The following MYO9A variants were observed in gnomAD, a reference collection of about 807,000 sequenced individuals.
MYO9A encodes unconventional myosin-IXa.
MYO9A carries 103 observed loss-of-function variants against 293.3 expected under a neutral mutation model. The observed-to-expected ratio is 0.35, with a 90% CI of 0.30 to 0.41. MYO9A has a LOEUF of 0.41. MYO9A is among the 10% of genes least tolerant of loss of function. MYO9A has a pLI of 1.00. For synonymous variants in MYO9A, 1,001 were observed against 1,035.7 expected, an observed-to-expected ratio of 0.97 and a Z score of 0.64; for missense variants, 2,685 against 3,033.0, an observed-to-expected ratio of 0.89 and a Z score of 2.69.
At chr15:72,109,176 G>A (rs1199458789) in intron 1 of MYO9A, among the ~76,000 whole-genome samples, 1 of 151,786 alleles carries the variant, frequency 6.6e-6, no homozygotes, top group African/African-American at 2.4e-5. Context: ...AGATCATGAG[G>A]TCAGGAGGTC....
intron 26 of MYO9A, chr15:71,893,098 T>A: frequency 7.8e-7 from 1 of 1,290,074 alleles, no homozygotes; most frequent in South Asian, 1.2e-5. Flanking sequence ...CCCCTCCCCA[T>A]CGGCAAAAGT....
intron 31 of MYO9A, among the ~76,000 whole-genome samples, chr15:71,876,189 A>G (rs1360863633): frequency 1.4e-5 from 2 of 147,492 alleles, no homozygotes; most frequent in Non-Finnish European, 3.0e-5. Context: ...TCTGTCGCCC[A>G]GGTTGGAGTG....
At chr15:71,971,889 GGGGT>G (rs1281524680) in intron 12 of MYO9A, among the ~76,000 whole-genome samples, 1 of 151,710 alleles carries the variant, frequency 6.6e-6, no homozygotes, top group East Asian at 1.9e-4. Flanking sequence ...TTATAATGTT[GGGGT>G]GCTTTAGGCC....
At chr15:72,000,275 G>C (rs923188245) in intron 8 of MYO9A, among the ~76,000 whole-genome samples, 1 of 152,202 alleles carries the variant, frequency 6.6e-6, no homozygotes, top group Non-Finnish European at 1.5e-5. Flanking sequence ...GGACTAAAAA[G>C]TGACAGCACT....
intron 32 of MYO9A, among the ~76,000 whole-genome samples, chr15:71,866,109 G>A (rs982725840): frequency 5.9e-5 from 9 of 152,130 alleles, no homozygotes; most frequent in African/African-American, 2.2e-4. Flanking sequence ...GTTGATGGCA[G>A]TTTTACCCAT....
At chr15:71,979,322 A>G (rs1258675000) in intron 11 of MYO9A, among the ~76,000 whole-genome samples, 1 of 152,054 alleles carries the variant, frequency 6.6e-6, no homozygotes, top group African/African-American at 2.4e-5. Context: ...TAAGAAAGGT[A>G]TTTCCCCCCA....
At chr15:71,963,165 C>T (rs770367923) in intron 13 of MYO9A, among the ~76,000 whole-genome samples, 271 of 152,182 alleles carry the variant, frequency 1.8e-3, no homozygotes, top group Non-Finnish European at 1.6e-3. Context: ...TTCACTGCAA[C>T]CTCTGCCTCC....
chr15:71,845,258 G>A (rs1486280266), intron 39 of MYO9A, among the ~76,000 whole-genome samples: 1 of 147,590 alleles, frequency 6.8e-6, no homozygotes, highest in East Asian at 1.9e-4. Context: ...CCCAATGCCT[G>A]CAGTTATGGT....
In MYO9A at chr15:71,830,101, A is replaced by G; in HGVS notation, c.7040+8T>C. On this transcript the variant is annotated splice_region_variant and intron_variant, in intron 40 of 41. Coordinates refer to ENST00000356056, the MANE Select transcript of MYO9A (RefSeq NM_006901.4). ...TAACTGTCTCTCCCCTTCCTCCTGG[A>G]TACTCACTTCTCCTTCTGTAGGTTC... 1 of 1,613,148 alleles carries G rather than the reference A, an allele frequency of 6.2e-7. No individual in the cohort carries two copies. Among genetic ancestry groups the G allele is most frequent in the African/African-American group, 1.3e-5 (1 of 75,004 alleles).
At chr15:72,053,989 A>T (rs1407307723) in intron 1 of MYO9A, among the ~76,000 whole-genome samples, 1 of 152,230 alleles carries the variant, frequency 6.6e-6, no homozygotes, top group Non-Finnish European at 1.5e-5. Context: ...TAAATGCTCC[A>T]GTTAAAAGAC....
chr15:72,096,338 G>A (rs1443615032), intron 1 of MYO9A, among the ~76,000 whole-genome samples: 1 of 151,962 alleles, frequency 6.6e-6, no homozygotes, highest in East Asian at 1.9e-4. Flanking sequence ...CCTGTCTCAG[G>A]GAACAACAAC....
intron 3 of MYO9A, among the ~76,000 whole-genome samples, chr15:72,028,218 A>AATATATATATATATATATATATATAAAT (rs33914430): frequency 3.0e-5 from 4 of 134,256 alleles, no homozygotes; most frequent in African/African-American, 1.1e-4. Context: ...TAAATAAATA[A>AATATATATATATATATATATATATAAAT]ATATATATAT....
At chr15:72,008,499 T>G (rs1359325951) in intron 7 of MYO9A, among the ~76,000 whole-genome samples, 1 of 150,982 alleles carries the variant, frequency 6.6e-6, no homozygotes, top group Non-Finnish European at 1.5e-5. Context: ...GGTGTGTGTG[T>G]GTGTGTATGT....
Position 72,070,346 on chromosome 15 carries a change from C to A in MYO9A, c.-71-23712G>T, listed in dbSNP as rs553996088. Among the ~76,000 whole-genome samples, 268 of 150,780 alleles carry A rather than the reference C, an allele frequency of 1.8e-3. 1 individual carries two copies. The highest frequency in any genetic ancestry group is 6.3e-3 in the African/African-American group (258 of 41,076). ...GCACACGCCTGCAGTCCCAGCTACT[C>A]GGGAGGCTGAGGCAGGAGAATCACT... On this transcript the variant is annotated intron_variant, in intron 1 of 41. Transcript: ENST00000356056.
At chr15:72,014,155 T>C (rs566101358) in intron 6 of MYO9A, among the ~76,000 whole-genome samples, 9 of 152,332 alleles carry the variant, frequency 5.9e-5, no homozygotes, top group South Asian at 4.1e-4. Context: ...TATGATTGCC[T>C]TTCACACAAG....
At position 72,020,972 on chromosome 15, in the gene MYO9A, A is replaced by G; in HGVS notation, c.1044T>C (p.Asp348=). 1 of 1,554,548 alleles carries G rather than the reference A, an allele frequency of 6.4e-7. No homozygotes were observed. Among genetic ancestry groups the G allele is most frequent in the Non-Finnish European group, 8.6e-7 (1 of 1,159,204 alleles). ...GCTTAAGATGGAATGCTGATCTCTC[A>G]TCTTCACTTGCTCCTGCCAGGAGGT... ...FYYLLAGASE[D]ERSAFHLKQP... Residue 348 remains aspartate (D), a synonymous_variant, in exon 5 of 42, where the codon GAT becomes GAC. Coordinates refer to ENST00000356056, the MANE Select transcript of MYO9A (RefSeq NM_006901.4).
intron 11 of MYO9A, among the ~76,000 whole-genome samples, chr15:71,985,655 TAACGAAATGTCTCTAGG>T (rs1397413494): frequency 2.6e-5 from 4 of 152,098 alleles, no homozygotes; most frequent in Non-Finnish European, 5.9e-5. Context: ...ACTACAAAAA[TAACGAAATGTCTCTAGG>T]AACAAAGCAG....
At chr15:71,865,822 T>C (rs1322172073) in intron 32 of MYO9A, among the ~76,000 whole-genome samples, 1 of 152,210 alleles carries the variant, frequency 6.6e-6, no homozygotes. Flanking sequence ...GTTATATGAA[T>C]TTTATCTCAG....
intron 18 of MYO9A, among the ~76,000 whole-genome samples, chr15:71,930,299 C>G (rs774452071): frequency 4.6e-5 from 7 of 152,074 alleles, no homozygotes; most frequent in Non-Finnish European, 1.0e-4. Context: ...AAGTGGGGTA[C>G]TGAAATCCCC....
Sources: allele counts gnomAD v4.1 joint callset (sites outside exome capture counted in the v4.1 genomes callset), GRCh38; gene constraint gnomAD v4.1.1; transcripts MANE v1.5; gene names NCBI Gene and HGNC (gene_info 2026-07-23, HGNC 2026-07-21).